Variants in EPHA5 observed in about 807,000 individuals in gnomAD.
EPHA5 encodes EPH receptor A5, also known as ephrin type-A receptor 5.
A neutral mutation model predicts 105.0 loss-of-function variants in EPHA5; 60 were observed. The ratio of observed to expected loss-of-function variants is 0.57; its 90% confidence interval spans 0.46 to 0.71. EPHA5 has a LOEUF of 0.71. EPHA5 is among the 30% of genes least tolerant of loss of function. EPHA5 has a pLI of 0.00. For missense variants in EPHA5, 1,218 were observed against 1,274.7 expected (o/e 0.96, Z 0.68); for synonymous variants, 513 against 449.1 (o/e 1.14, Z -1.80).
chr4:65,415,573 T>C (rs1723309159), intron 6 of EPHA5, among the ~76,000 whole-genome samples: 1 of 152,006 alleles, frequency 6.6e-6, no homozygotes, highest in African/African-American at 2.4e-5. Flanking sequence ...TCTCTCTAAA[T>C]AGGTATGGTA....
At chr4:65,521,789 G>A (rs1175856872) in intron 3 of EPHA5, among the ~76,000 whole-genome samples, 1 of 151,734 alleles carries the variant, frequency 6.6e-6, no homozygotes, top group Non-Finnish European at 1.5e-5. Flanking sequence ...CCTTTTCTTT[G>A]TGTAATCCAG....
chr4:65,511,198 T>A (rs572015272), intron 3 of EPHA5, among the ~76,000 whole-genome samples: 1 of 152,320 alleles, frequency 6.6e-6, no homozygotes, highest in East Asian at 1.9e-4. Flanking sequence ...CCAAGCTGAC[T>A]AATGTTACAT....
intron 3 of EPHA5, among the ~76,000 whole-genome samples, chr4:65,567,889 TA>T (rs1487554965): frequency 2.6e-5 from 4 of 151,608 alleles, no homozygotes; most frequent in African/African-American, 9.7e-5. Context: ...TCCTCCTGTT[TA>T]AAATTCTGCC....
At chr4:65,368,664 A>T (rs1718160892) in intron 8 of EPHA5, among the ~76,000 whole-genome samples, 1 of 152,186 alleles carries the variant, frequency 6.6e-6, no homozygotes, top group Non-Finnish European at 1.5e-5. Context: ...GCTATAGCCA[A>T]ATTACAGTAT....
intron 3 of EPHA5, among the ~76,000 whole-genome samples, chr4:65,519,035 T>C (rs1734402569): frequency 6.6e-6 from 1 of 152,000 alleles, no homozygotes; most frequent in African/African-American, 2.4e-5. Flanking sequence ...TAGACCAATA[T>C]CCTTGATGAA....
At position 65,489,975 on chromosome 4, in the gene EPHA5, A is replaced by G. The variant is rs1731244951; in HGVS notation, c.1402+402T>C. 2.6e-5 allele frequency among the ~76,000 whole-genome samples: 4 copies of G among 152,332 alleles called. 1 individual carries two copies. In the South Asian group the frequency reaches 8.3e-4, roughly 32 times the overall value. ...TCTGTGTTGCCAAGCAAGCAAATAA[A>G]CAAGCAAATAAAACCTGCCTAATCA... On this transcript the variant is annotated intron_variant, in intron 5 of 16. Transcript: ENST00000613740.
intron 8 of EPHA5, among the ~76,000 whole-genome samples, chr4:65,370,723 A>G (rs1360131752): frequency 5.3e-5 from 8 of 152,150 alleles, no homozygotes; most frequent in Non-Finnish European, 1.0e-4. Context: ...AGCAGTTAAC[A>G]TTGCATTACC....
chr4:65,641,620 C>G (rs1000183129), intron 2 of EPHA5, among the ~76,000 whole-genome samples: 3 of 151,984 alleles, frequency 2.0e-5, no homozygotes, highest in African/African-American at 7.2e-5. Flanking sequence ...ATTTTGCATT[C>G]GAGTGATACA....
intron 3 of EPHA5, among the ~76,000 whole-genome samples, chr4:65,519,774 A>G (rs1402754543): frequency 1.3e-5 from 2 of 152,138 alleles, no homozygotes; most frequent in Admixed American, 6.5e-5. Flanking sequence ...ATGTCCATTC[A>G]CCATTGCTTC....
intron 5 of EPHA5, among the ~76,000 whole-genome samples, chr4:65,452,460 T>G (rs1727157867): frequency 6.6e-6 from 1 of 151,938 alleles, no homozygotes; most frequent in Admixed American, 6.6e-5. Flanking sequence ...TTCTTTAAGT[T>G]ACATAAACAC....
intron 3 of EPHA5, among the ~76,000 whole-genome samples, chr4:65,500,395 T>A (rs558877895): frequency 6.6e-6 from 1 of 151,440 alleles, no homozygotes; most frequent in South Asian, 2.1e-4. Flanking sequence ...GTTTTTTAAA[T>A]GCAACCATTT....
At chr4:65,604,698 T>C (rs1473754833) in intron 2 of EPHA5, among the ~76,000 whole-genome samples, 2 of 151,024 alleles carry the variant, frequency 1.3e-5, no homozygotes, top group East Asian at 2.0e-4. Flanking sequence ...GAAGAGAATA[T>C]CTTGCTGTCC....
At chr4:65,330,904 C>G in intron 16 of EPHA5, 3 of 1,037,134 alleles carry the variant, frequency 2.9e-6, no homozygotes, top group Non-Finnish European at 3.5e-6. Flanking sequence ...TTTTAGTTAT[C>G]GGTATGAAGG....
rs191476164 is a variant in EPHA5, at chr4:65,537,018, A to T, written c.911-41475T>A. ...CATTTTCACACTCTAATTGGGTCAG[A>T]CTATGACTTAGAGGGACAAATTTTC... On this transcript the variant is annotated intron_variant, in intron 3 of 16. Transcript: ENST00000613740. Among the ~76,000 whole-genome samples, 5 of 151,932 alleles carry T rather than the reference A, an allele frequency of 3.3e-5. No homozygotes were observed. The East Asian group carries it at 9.7e-4, about 29-fold the overall frequency.
chr4:65,441,870 T>G (rs1192369308), intron 5 of EPHA5, among the ~76,000 whole-genome samples: 4 of 152,172 alleles, frequency 2.6e-5, no homozygotes, highest in African/African-American at 9.7e-5. Flanking sequence ...TTGCACTTCT[T>G]GATTACATCT....
intron 5 of EPHA5, among the ~76,000 whole-genome samples, chr4:65,425,192 T>C (rs1240639361): frequency 6.6e-6 from 1 of 152,100 alleles, no homozygotes; most frequent in Non-Finnish European, 1.5e-5. Flanking sequence ...AGATGACACT[T>C]TTTAAACTTT....
intron 2 of EPHA5, among the ~76,000 whole-genome samples, chr4:65,612,812 C>T (rs1271162195): frequency 1.3e-5 from 2 of 152,016 alleles, no homozygotes; most frequent in Non-Finnish European, 2.9e-5. Context: ...AATTTTTTTC[C>T]ATTCTTCAAG....
chr4:65,356,395 C>A (rs978329945), intron 11 of EPHA5, among the ~76,000 whole-genome samples: 1 of 151,198 alleles, frequency 6.6e-6, no homozygotes. Flanking sequence ...AGATTCAACC[C>A]CAAATTCATT....
At chr4:65,402,014 G>A (rs931640252) in intron 8 of EPHA5, among the ~76,000 whole-genome samples, 2 of 152,030 alleles carry the variant, frequency 1.3e-5, no homozygotes, top group Non-Finnish European at 2.9e-5. Flanking sequence ...ATCCCCACAT[G>A]TCAAGGGAGA....
Sources: allele counts gnomAD v4.1 joint callset (sites outside exome capture counted in the v4.1 genomes callset), GRCh38; gene constraint gnomAD v4.1.1; transcripts MANE v1.5; gene names NCBI Gene and HGNC (gene_info 2026-07-23, HGNC 2026-07-21).